OXR1: variants seen among roughly 807,000 people sequenced by gnomAD.
OXR1 encodes the protein oxidation resistance 1.
OXR1 carries 41 observed loss-of-function variants against 104.6 expected under a neutral mutation model. That is an observed-to-expected ratio of 0.39 (90% CI 0.31 to 0.51). OXR1 has a LOEUF of 0.51. Ranked by LOEUF, OXR1 falls within the 20% of genes least tolerant of loss-of-function variation. OXR1 has a pLI of 0.77. For missense variants in OXR1, 955 were observed against 1,031.9 expected, an observed-to-expected ratio of 0.93 and a Z score of 1.02; for synonymous variants, 348 against 348.4, an observed-to-expected ratio of 1.00 and a Z score of 0.01.
At chr8:106,290,624 A>G (rs1390997603) in intron 1 of OXR1, among the ~76,000 whole-genome samples, 1 of 152,200 alleles carries the variant, frequency 6.6e-6, no homozygotes, top group Non-Finnish European at 1.5e-5. Flanking sequence ...CCATTAAAAA[A>G]TGGGCAAGGG....
At chr8:106,590,785 C>A (rs1819019936) in intron 3 of OXR1, among the ~76,000 whole-genome samples, 1 of 152,170 alleles carries the variant, frequency 6.6e-6, no homozygotes, top group Admixed American at 6.5e-5. Context: ...AAGGCATGGC[C>A]TATCAAAAGT....
intron 3 of OXR1, among the ~76,000 whole-genome samples, chr8:106,610,015 A>C (rs1408743348): frequency 2.6e-5 from 4 of 152,186 alleles, no homozygotes; most frequent in Non-Finnish European, 2.9e-5. Flanking sequence ...CCAGAAGATT[A>C]TCATAAACTC....
chr8:106,475,599 G>A (rs1335751776), intron 2 of OXR1, among the ~76,000 whole-genome samples: 1 of 151,922 alleles, frequency 6.6e-6, no homozygotes, highest in African/African-American at 2.4e-5. Context: ...GTACTGTACT[G>A]TACCAATCCT....
chr8:106,447,901 T>C, intron 2 of OXR1: 1 of 1,509,278 alleles, frequency 6.6e-7, no homozygotes, highest in African/African-American at 1.4e-5. Flanking sequence ...GCCGGGCTCC[T>C]GGCGGAGGTA....
intron 2 of OXR1, among the ~76,000 whole-genome samples, chr8:106,375,037 A>G (rs1363064481): frequency 6.6e-6 from 1 of 152,208 alleles, no homozygotes; most frequent in Non-Finnish European, 1.5e-5. Flanking sequence ...GACTATGACA[A>G]AATAAATTGA....
chr8:106,342,642 T>C (rs937367016), intron 1 of OXR1, among the ~76,000 whole-genome samples: 1 of 152,160 alleles, frequency 6.6e-6, no homozygotes, highest in African/African-American at 2.4e-5. Flanking sequence ...GGGTTGTTTT[T>C]TCATAGTTCA....
At chr8:106,611,364 GA>G (rs938857954) in intron 3 of OXR1, among the ~76,000 whole-genome samples, 5 of 152,228 alleles carry the variant, frequency 3.3e-5, no homozygotes, top group Admixed American at 2.0e-4. Context: ...CTGAAGGCCA[GA>G]ACCTGGAGTG....
At chr8:106,657,267 T>C (rs947933732) in intron 3 of OXR1, among the ~76,000 whole-genome samples, 1 of 152,160 alleles carries the variant, frequency 6.6e-6, no homozygotes, top group African/African-American at 2.4e-5. Flanking sequence ...TATTCATGTT[T>C]TAATTATGAT....
chr8:106,495,804 C>T (rs1811374406), intron 2 of OXR1, among the ~76,000 whole-genome samples: 1 of 152,034 alleles, frequency 6.6e-6, no homozygotes, highest in African/African-American at 2.4e-5. Context: ...TTATAAAATA[C>T]TTTAGAGATT....
intron 1 of OXR1, among the ~76,000 whole-genome samples, chr8:106,339,020 C>T (rs1815082405): frequency 6.6e-6 from 1 of 151,898 alleles, no homozygotes; most frequent in African/African-American, 2.4e-5. Flanking sequence ...TGTTTTTGCC[C>T]CAATTTTCTC....
chr8:106,658,893 C>G (rs774007893), intron 3 of OXR1, among the ~76,000 whole-genome samples: 1 of 152,166 alleles, frequency 6.6e-6, no homozygotes, highest in Non-Finnish European at 1.5e-5. Flanking sequence ...TTTGAAAGTG[C>G]TGCTGAACAG....
intron 3 of OXR1, among the ~76,000 whole-genome samples, chr8:106,643,703 T>C (rs901743912): frequency 6.6e-6 from 1 of 151,928 alleles, no homozygotes; most frequent in African/African-American, 2.4e-5. Context: ...TGGAGGGAAA[T>C]GTCATGTGGC....
intron 2 of OXR1, among the ~76,000 whole-genome samples, chr8:106,376,422 A>G (rs1448436079): frequency 6.6e-6 from 1 of 152,210 alleles, no homozygotes; most frequent in African/African-American, 2.4e-5. Flanking sequence ...AAGCTGTGAA[A>G]TCATAAAAGA....
chr8:106,749,459 A>G (rs1835692783), intron 16 of OXR1, among the ~76,000 whole-genome samples: 1 of 152,132 alleles, frequency 6.6e-6, no homozygotes, highest in Admixed American at 6.5e-5. Flanking sequence ...CCCAAATTAT[A>G]GAGTTGTGTA....
At position 106,316,713 on chromosome 8, in the gene OXR1, CTATCATCTATCTATCTATCT is replaced by C. The variant is rs759755294; in HGVS notation, c.-138-42762_-138-42743del. Among the ~76,000 whole-genome samples, 969 of 114,172 alleles carry C rather than the reference CTATCATCTATCTATCTATCT, an allele frequency of 8.5e-3. 8 individuals carry two copies. Among genetic ancestry groups the C allele is most frequent in the African/African-American group, 0.028 (912 of 32,508 alleles). 74.9% of individuals were successfully genotyped at this position (114,172 alleles called of 152,430 possible). ...TTTTTCTATCTATCTATCTATCTATCTATCATCTATCTATCTATCTATCTATCTATCTATCTATCTATCTA... is the reference window on the plus strand; with the variant it reads ...TTTTTCTATCTATCTATCTATCTATCATCTATCTATCTATCTATCTATCTA... On this transcript the variant is annotated intron_variant, in intron 1 of 16. Transcript: ENST00000517566.
At chr8:106,581,535 A>G (rs553695935) in intron 3 of OXR1, among the ~76,000 whole-genome samples, 3 of 151,766 alleles carry the variant, frequency 2.0e-5, no homozygotes, top group African/African-American at 7.3e-5. Flanking sequence ...CATTTGTCTT[A>G]TTTCTATTAA....
chr8:106,746,360 G>A (rs1177771846), intron 16 of OXR1, among the ~76,000 whole-genome samples: 1 of 13,042 alleles, frequency 7.7e-5, no homozygotes, highest in Middle Eastern at 0.033. Context: ...GATTATCTTG[G>A]CATTGCAAGT....
intron 3 of OXR1, among the ~76,000 whole-genome samples, chr8:106,584,616 G>C (rs548973408): frequency 2.0e-5 from 3 of 152,006 alleles, no homozygotes; most frequent in Non-Finnish European, 4.4e-5. Context: ...ATGGTAAATG[G>C]TAAATTATTT....
chr8:106,590,840 C>T (rs1474697207), intron 3 of OXR1, among the ~76,000 whole-genome samples: 2 of 152,182 alleles, frequency 1.3e-5, no homozygotes, highest in Non-Finnish European at 2.9e-5. Flanking sequence ...GGGTCTAGCT[C>T]AGCTGGCGGG....
Sources: allele counts gnomAD v4.1 joint callset (sites outside exome capture counted in the v4.1 genomes callset), GRCh38; gene constraint gnomAD v4.1.1; transcripts MANE v1.5; gene names NCBI Gene and HGNC (gene_info 2026-07-23, HGNC 2026-07-21).